The following COQ5 variants were observed in gnomAD, a reference collection of about 807,000 sequenced individuals.
COQ5 encodes coenzyme Q5, methyltransferase, also known as 2-methoxy-6-polyprenyl-1,4-benzoquinol methylase, mitochondrial.
In COQ5, 27 loss-of-function variants were observed where a neutral mutation model predicts 40.5. That is an observed-to-expected ratio of 0.67 (90% CI 0.49 to 0.92). The LOEUF is 0.92. COQ5 is among the 40% of genes least tolerant of loss of function. The probability of loss-of-function intolerance (pLI) is 0.00; values close to 1 mark genes in which losing one functional copy is unlikely to be tolerated. For missense variants in COQ5, 409 were observed against 406.4 expected (o/e 1.01, Z -0.06); for synonymous variants, 141 against 150.0 (o/e 0.94, Z 0.44).
At chr12:120,526,647 A>G (rs1298648454) in intron 1 of COQ5, 1 of 276,076 alleles carries the variant, frequency 3.6e-6, no homozygotes, top group African/African-American at 2.3e-5. Flanking sequence ...CATAGAAAAG[A>G]TATTTCATAC....
At chr12:120,508,280 C>A (rs906104026) in intron 4 of COQ5, among the ~76,000 whole-genome samples, 1 of 151,910 alleles carries the variant, frequency 6.6e-6, no homozygotes, top group Non-Finnish European at 1.5e-5. Flanking sequence ...AGCCTGGAGG[C>A]CTCCAAAGAG....
chr12:120,520,435 C>G (rs1869592354), intron 2 of COQ5, among the ~76,000 whole-genome samples: 1 of 151,990 alleles, frequency 6.6e-6, no homozygotes, highest in South Asian at 2.1e-4. Context: ...AAGCAATTCT[C>G]TTGCCTCAGC....
chr12:120,515,085 G>A (rs917383911), intron 3 of COQ5, among the ~76,000 whole-genome samples: 1 of 151,458 alleles, frequency 6.6e-6, no homozygotes, highest in Non-Finnish European at 1.5e-5. Context: ...GAGCCACCAC[G>A]CCTGGCCAAA....
chr12:120,513,322 A>T (rs1353299593), intron 3 of COQ5, among the ~76,000 whole-genome samples: 1 of 150,106 alleles, frequency 6.7e-6, no homozygotes, highest in Admixed American at 6.6e-5. Context: ...GCTAACACAG[A>T]GAAACCCCAT....
In COQ5 at chr12:120,520,749, C is replaced by T. The variant is rs575497205; in HGVS notation, c.352+1465G>A. ...CTACGATTATAGGCGTGAGCCACCA[C>T]GCCCAGCCTCTAATGTAATTTAACA... On this transcript the variant is annotated intron_variant, in intron 2 of 6. Transcript: ENST00000288532. Among the ~76,000 whole-genome samples the T allele has an allele frequency of 4.6e-5, 7 of 152,142 alleles. No individual in the cohort carries two copies. In the South Asian group the frequency reaches 1.0e-3, roughly 23 times the overall value.
intron 3 of COQ5, among the ~76,000 whole-genome samples, chr12:120,513,104 A>G (rs992293751): frequency 2.0e-5 from 3 of 150,302 alleles, no homozygotes; most frequent in Non-Finnish European, 4.4e-5. Context: ...CCAGCCAAAT[A>G]TGTATATATT....
intron 2 of COQ5, 91 bp downstream of exon 2, chr12:120,522,123 C>T (rs950312324): frequency 1.5e-6 from 2 of 1,351,980 alleles, no homozygotes; most frequent in Middle Eastern, 1.8e-4. Context: ...CCATCTTCCG[C>T]CTCGTGTTAG....
chr12:120,522,423 A>T (rs1038462727), intron 1 of COQ5, 60 bp from the exon 2 acceptor site: 2 of 1,572,984 alleles, frequency 1.3e-6, no homozygotes, highest in African/African-American at 1.3e-5. Context: ...GAAAAATCCT[A>T]AACAAAAAAG....
chr12:120,519,342 T>C (rs2137088346), intron 2 of COQ5, among the ~76,000 whole-genome samples: 2 of 152,248 alleles, frequency 1.3e-5, no homozygotes, highest in Admixed American at 1.3e-4. Flanking sequence ...GCGGATCACC[T>C]TAGGTCAGGA....
chr12:120,524,131 G>A (rs781648578), intron 1 of COQ5: 3 of 235,070 alleles, frequency 1.3e-5, no homozygotes, highest in Non-Finnish European at 2.6e-5. Context: ...CTGTGAATCA[G>A]GGCTAAGTCA....
chr12:120,526,253 G>A (rs1281467415), intron 1 of COQ5, among the ~76,000 whole-genome samples: 1 of 152,200 alleles, frequency 6.6e-6, no homozygotes, highest in Non-Finnish European at 1.5e-5. Flanking sequence ...ATCTTTCAGT[G>A]ATAAAGCACA....
chr12:120,518,588 C>T (rs1436849633), intron 2 of COQ5, among the ~76,000 whole-genome samples: 8 of 149,692 alleles, frequency 5.3e-5, no homozygotes, highest in South Asian at 2.1e-4. Flanking sequence ...TTCCCTGAGA[C>T]GGAGGCTCGC....
At chr12:120,524,321 C>T (rs905392207) in intron 1 of COQ5, among the ~76,000 whole-genome samples, 12 of 151,598 alleles carry the variant, frequency 7.9e-5, no homozygotes, top group African/African-American at 1.7e-4. Context: ...AGTGCAGTGG[C>T]GCGATCTCGG....
At chr12:120,508,762 A>T (rs1868995945) in intron 4 of COQ5, among the ~76,000 whole-genome samples, 1 of 152,110 alleles carries the variant, frequency 6.6e-6, no homozygotes, top group African/African-American at 2.4e-5. Context: ...GTGGTGGCTC[A>T]CGACTGTAAT....
At chr12:120,515,100 CT>C (rs1198814016) in intron 3 of COQ5, among the ~76,000 whole-genome samples, 1 of 149,476 alleles carries the variant, frequency 6.7e-6, no homozygotes, top group Non-Finnish European at 1.5e-5. Context: ...GCCAAATTTG[CT>C]TTTTTTTTGA....
chr12:120,518,783 T>A (rs1869509788), intron 2 of COQ5, among the ~76,000 whole-genome samples: 1 of 152,166 alleles, frequency 6.6e-6, no homozygotes, highest in African/African-American at 2.4e-5. Flanking sequence ...CAGGCTGGTC[T>A]CAGACTCCTG....
chr12:120,525,341 C>T (rs1160103912), intron 1 of COQ5, among the ~76,000 whole-genome samples: 1 of 152,078 alleles, frequency 6.6e-6, no homozygotes, highest in African/African-American at 2.4e-5. Flanking sequence ...TCATGATCTG[C>T]CCACCTCAGC....
In COQ5 at chr12:120,522,230, A is replaced by G. The variant is rs1869695779; in HGVS notation, c.336T>C (p.Asp112=). ...MHPLPGTQLL[D]VAGGTGDIAF... is the part of the protein sequence containing the mutation. Reference sequence around the variant, plus strand: ...CGACATTACCTGTGCCTCCAGCAACATCAAGCAGCTGGGTCCCAGGAAGCG... The same window carrying G: ...CGACATTACCTGTGCCTCCAGCAACGTCAAGCAGCTGGGTCCCAGGAAGCG... The change falls in exon 2 of 7, where the codon GAT becomes GAC. Residue 112 remains aspartate, a synonymous_variant. Coordinates refer to ENST00000288532, the MANE Select transcript of COQ5 (RefSeq NM_032314.4). 1 of 1,614,082 alleles carries G rather than the reference A, an allele frequency of 6.2e-7. No homozygotes were observed. The highest frequency in any genetic ancestry group is 8.5e-7 in the Non-Finnish European group (1 of 1,180,042).
At chr12:120,504,797 A>C in intron 5 of COQ5, 98 bp downstream of exon 5, 1 of 1,039,256 alleles carries the variant, frequency 9.6e-7, no homozygotes, top group Non-Finnish European at 1.5e-6. Flanking sequence ...TCTGAACTAC[A>C]AAGTTCATGC....
Sources: gnomAD v4.1 joint callset for allele counts (sites outside exome capture counted in the v4.1 genomes callset) on GRCh38, gnomAD v4.1.1 for gene constraint, MANE v1.5 for transcripts, NCBI Gene and HGNC (gene_info 2026-07-23, HGNC 2026-07-21) for gene names.